COQ5: variants seen among roughly 807,000 people sequenced by gnomAD.
COQ5 encodes the protein coenzyme Q5, methyltransferase, also known as 2-methoxy-6-polyprenyl-1,4-benzoquinol methylase, mitochondrial.
A neutral mutation model predicts 40.5 loss-of-function variants in COQ5; 27 were observed. The ratio of observed to expected loss-of-function variants is 0.67; its 90% confidence interval spans 0.49 to 0.92. COQ5 has a LOEUF of 0.92. Among genes scored for constraint, COQ5 ranks in the 40% least tolerant of loss-of-function variants. The pLI is 0.00. For missense variants in COQ5, 409 were observed against 406.4 expected, an observed-to-expected ratio of 1.01 and a Z score of -0.06; for synonymous variants, 141 against 150.0, an observed-to-expected ratio of 0.94 and a Z score of 0.44.
chr12:120,521,225 C>A (rs758649662), intron 2 of COQ5, among the ~76,000 whole-genome samples: 7 of 151,964 alleles, frequency 4.6e-5, no homozygotes, highest in Non-Finnish European at 8.8e-5. Context: ...AGCTACCACA[C>A]TGGCTTTTTT....
At chr12:120,511,985 G>A (rs967881369) in intron 3 of COQ5, among the ~76,000 whole-genome samples, 3 of 152,110 alleles carry the variant, frequency 2.0e-5, no homozygotes, top group Non-Finnish European at 2.9e-5. Flanking sequence ...GCCGAGGCGG[G>A]CAGATCATGA....
intron 5 of COQ5, 55 bp from the exon 6 acceptor site, chr12:120,504,136 C>A: frequency 9.5e-7 from 1 of 1,056,984 alleles, no homozygotes; most frequent in Non-Finnish European, 1.5e-6. Context: ...TCACTTCTTC[C>A]CTAGATAAGA....
At chr12:120,504,493 C>T (rs1868792550) in intron 5 of COQ5, 1 of 282,950 alleles carries the variant, frequency 3.5e-6, no homozygotes, top group Non-Finnish European at 6.8e-6. Flanking sequence ...AGTGATCCTC[C>T]CGCCTCAGCC....
At chr12:120,507,744 G>A (rs906007636) in intron 4 of COQ5, among the ~76,000 whole-genome samples, 17 of 148,512 alleles carry the variant, frequency 1.1e-4, no homozygotes, top group Non-Finnish European at 3.0e-5. Context: ...AAAATTAGTC[G>A]GGCATGGTGG....
chr12:120,515,356 C>G (rs1247376542), intron 3 of COQ5, among the ~76,000 whole-genome samples: 5 of 152,188 alleles, frequency 3.3e-5, no homozygotes, highest in Non-Finnish European at 5.9e-5. Context: ...TTCCAAAGTG[C>G]TGGGATTACA....
At chr12:120,511,513 C>A (rs368218843) in intron 3 of COQ5, among the ~76,000 whole-genome samples, 11 of 151,370 alleles carry the variant, frequency 7.3e-5, no homozygotes, top group African/African-American at 2.4e-4. Flanking sequence ...GAGCTGAGCA[C>A]GGTGGCATGC....
At chr12:120,504,629 G>A (rs1049572728) in intron 5 of COQ5, 1 of 439,482 alleles carries the variant, frequency 2.3e-6, no homozygotes, top group East Asian at 4.6e-5. Context: ...CCACTAATAA[G>A]TTCTGATAAC....
At chr12:120,516,408 C>G (rs768330025) in intron 3 of COQ5, among the ~76,000 whole-genome samples, 159 bp downstream of exon 3, 1 of 152,190 alleles carries the variant, frequency 6.6e-6, no homozygotes, top group African/African-American at 2.4e-5. Context: ...ATGCATATAA[C>G]AGCACACAAA....
chr12:120,503,933 T>G, intron 6 of COQ5, 37 bp downstream of exon 6: 1 of 1,595,246 alleles, frequency 6.3e-7, no homozygotes, highest in Non-Finnish European at 8.6e-7. Context: ...TGGATATCAC[T>G]GTAGGGCCTT....
chr12:120,525,178 C>T (rs985479273), intron 1 of COQ5, among the ~76,000 whole-genome samples: 1 of 152,140 alleles, frequency 6.6e-6, no homozygotes, highest in Non-Finnish European at 1.5e-5. Context: ...CGGCTCACTG[C>T]AACCTCCTCC....
chr12:120,516,787 A>G lies in COQ5; in HGVS notation c.354T>C (p.Gly118=). The part of the protein sequence containing the change: ...TQLLDVAGGT[G]DIAFRFLNYV... ...AATTAAGGAACCGGAATGCAATGTC[A>G]CCTGTGGGAAGCCAACATGAGGAAA... The change falls in exon 3 of 7, where the codon GGT becomes GGC. Residue 118 remains glycine, a splice_region_variant and synonymous_variant. Transcript: ENST00000288532. 6.2e-7 allele frequency: 1 copy of G among 1,613,476 alleles called. No individual in the cohort carries two copies. Among genetic ancestry groups the G allele is most frequent in the Non-Finnish European group, 8.5e-7 (1 of 1,179,348 alleles).
At chr12:120,520,617 C>T (rs1420064644) in intron 2 of COQ5, among the ~76,000 whole-genome samples, 1 of 151,984 alleles carries the variant, frequency 6.6e-6, no homozygotes, top group African/African-American at 2.4e-5. Flanking sequence ...AGCCACCACA[C>T]CCCGCCATCG....
At chr12:120,505,950 G>A (rs1868865926) in intron 4 of COQ5, among the ~76,000 whole-genome samples, 1 of 151,822 alleles carries the variant, frequency 6.6e-6, no homozygotes, top group South Asian at 2.1e-4. Flanking sequence ...CCACCTCCCG[G>A]GTTCAAGTGA....
chr12:120,511,934 G>A (rs918326504), intron 3 of COQ5, among the ~76,000 whole-genome samples: 12 of 152,268 alleles, frequency 7.9e-5, no homozygotes, highest in East Asian at 1.9e-4. Context: ...GATTTTGGCC[G>A]GGTGTGGTGG....
At chr12:120,504,438 T>G (rs1407627216) in intron 5 of COQ5, 14 of 243,360 alleles carry the variant, frequency 5.8e-5, no homozygotes, top group Middle Eastern at 1.6e-3. Context: ...TTTTTAGAGA[T>G]AGGGTCTCAC....
intron 4 of COQ5, among the ~76,000 whole-genome samples, chr12:120,506,530 C>T (rs1200881349): frequency 1.3e-5 from 2 of 151,928 alleles, no homozygotes; most frequent in African/African-American, 4.8e-5. Flanking sequence ...CCACACCCGG[C>T]TAATTTTTGC....
chr12:120,524,299 C>T (rs1334770127), intron 1 of COQ5, among the ~76,000 whole-genome samples: 4 of 151,554 alleles, frequency 2.6e-5, no homozygotes, highest in African/African-American at 4.9e-5. Context: ...CTCGCTCTGT[C>T]GCCCAGGCTG....
chr12:120,514,325 G>T (rs114818585), intron 3 of COQ5, among the ~76,000 whole-genome samples: 5 of 152,046 alleles, frequency 3.3e-5, no homozygotes, highest in African/African-American at 1.2e-4. Flanking sequence ...CACTCATGGT[G>T]GGGGAGGAGA....
chr12:120,517,598 C>G (rs1217355889), intron 2 of COQ5, among the ~76,000 whole-genome samples: 1 of 149,484 alleles, frequency 6.7e-6, no homozygotes, highest in African/African-American at 2.4e-5. Context: ...AGGAGAATGG[C>G]ATGAACCCAG....
Sources: allele counts gnomAD v4.1 joint callset (sites outside exome capture counted in the v4.1 genomes callset), GRCh38; gene constraint gnomAD v4.1.1; transcripts MANE v1.5; gene names NCBI Gene and HGNC (gene_info 2026-07-23, HGNC 2026-07-21).